Variants in ADAMTS19 observed in about 807,000 individuals in gnomAD.
ADAMTS19 encodes A disintegrin and metalloproteinase with thrombospondin motifs 19.
A neutral mutation model predicts 153.3 loss-of-function variants in ADAMTS19; 93 were observed. The observed-to-expected ratio is 0.61, with a 90% confidence interval of 0.51 to 0.72. ADAMTS19 has a LOEUF of 0.72. ADAMTS19 is among the 30% of genes least tolerant of loss of function. The pLI, the probability that ADAMTS19 is intolerant of heterozygous loss-of-function variation, is 0.00. For synonymous variants in ADAMTS19, 600 were observed against 556.6 expected, an observed-to-expected ratio of 1.08 and a Z score of -1.10; for missense variants, 1,482 against 1,552.1, an observed-to-expected ratio of 0.95 and a Z score of 0.76.
At chr5:129,726,268 C>T (rs1241811263) in intron 21 of ADAMTS19, among the ~76,000 whole-genome samples, 2 of 152,074 alleles carry the variant, frequency 1.3e-5, no homozygotes, top group Non-Finnish European at 2.9e-5. Flanking sequence ...GTTTGGGGAA[C>T]AGAATATCTA....
chr5:129,671,623 ATAAT>A (rs1754303582), intron 16 of ADAMTS19, among the ~76,000 whole-genome samples: 5 of 152,318 alleles, frequency 3.3e-5, no homozygotes, highest in East Asian at 3.9e-4. Context: ...TTTTATAGAG[ATAAT>A]TAATCCCTTC....
intron 7 of ADAMTS19, among the ~76,000 whole-genome samples, chr5:129,587,569 T>A (rs1561586980): frequency 6.6e-6 from 1 of 152,200 alleles, no homozygotes; most frequent in Non-Finnish European, 1.5e-5. Flanking sequence ...AATGATCTAA[T>A]TTGGGACTGT....
Position 129,737,170 on chromosome 5 carries a change from T to G in ADAMTS19, c.3594T>G (p.Cys1198Trp). 1 of 1,610,112 alleles carries G rather than the reference T, an allele frequency of 6.2e-7. No homozygotes were observed. The change falls in exon 23 of 23, where the codon TGT (cysteine) becomes TGG (tryptophan). Residue 1198 changes from cysteine (C) to tryptophan (W), a missense_variant. Transcript: ENST00000274487. ...CQDMRWYQRCCETCRDFYAQK... is the reference protein window; with the variant it reads ...CQDMRWYQRCWETCRDFYAQK... ...ACATGCGGTGGTATCAGCGCTGCTGTGAAACATGCAGGGACTTCTATGCCC... is the reference window on the plus strand; with the variant it reads ...ACATGCGGTGGTATCAGCGCTGCTGGGAAACATGCAGGGACTTCTATGCCC...
chr5:129,628,447 CTTAAAA>C (rs57699112), intron 10 of ADAMTS19, among the ~76,000 whole-genome samples: 8,736 of 151,914 alleles, frequency 0.058, 390 homozygotes, highest in African/African-American at 0.13. Flanking sequence ...TACCCCTGAA[CTTAAAA>C]TTAAAGTATA....
chr5:129,596,738 T>C, intron 8 of ADAMTS19, 74 bp downstream of exon 8: 1 of 1,104,034 alleles, frequency 9.1e-7, no homozygotes, highest in Non-Finnish European at 1.3e-6. Context: ...ATTACCTGGA[T>C]ATCTTCTGAT....
At chr5:129,649,617 T>C (rs569367225) in intron 13 of ADAMTS19, among the ~76,000 whole-genome samples, 5 of 152,178 alleles carry the variant, frequency 3.3e-5, no homozygotes, top group African/African-American at 2.4e-5. Flanking sequence ...AGGAAGATCT[T>C]TGTGCTAATG....
At chr5:129,565,610 T>A (rs908066281) in intron 7 of ADAMTS19, among the ~76,000 whole-genome samples, 2 of 152,208 alleles carry the variant, frequency 1.3e-5, no homozygotes, top group Non-Finnish European at 2.9e-5. Flanking sequence ...ATCCTATTTA[T>A]ATATTCTTTA....
intron 2 of ADAMTS19, among the ~76,000 whole-genome samples, chr5:129,462,122 AC>A (rs1749696113): frequency 6.6e-6 from 1 of 152,222 alleles, no homozygotes; most frequent in Non-Finnish European, 1.5e-5. Flanking sequence ...TCGAAAGACA[AC>A]CAGTCGGCTC....
At chr5:129,621,866 T>C (rs1347026675) in intron 9 of ADAMTS19, among the ~76,000 whole-genome samples, 1 of 152,146 alleles carries the variant, frequency 6.6e-6, no homozygotes, top group Admixed American at 6.6e-5. Flanking sequence ...CATACTACTT[T>C]TGGGCAAGTT....
intron 4 of ADAMTS19, 87 bp from the exon 5 acceptor site, chr5:129,527,647 GATGTCTCAACTAAA>G (rs1752062510): frequency 7.7e-6 from 1 of 130,306 alleles, no homozygotes; most frequent in Non-Finnish European, 1.4e-5. Context: ...AAAAAAAAAA[GATGTCTCAACTAAA>G]TTGAGACATC....
rs762426687 is a variant in ADAMTS19, at chr5:129,648,788, T to C, written c.2004-10T>C. ...AACATAAAATTGATTATTTGTACTT[T>C]CTTTTCTAGGCTAGATTCTGAAGCA... On this transcript the variant is annotated splice_polypyrimidine_tract_variant and intron_variant, in intron 12 of 22. Transcript: ENST00000274487. 4.5e-5 allele frequency: 72 copies of C among 1,609,774 alleles called. No individual in the cohort carries two copies. Among genetic ancestry groups the C allele is most frequent in the Non-Finnish European group, 5.9e-5 (69 of 1,178,686 alleles).
chr5:129,584,864 C>T (rs1432799923), intron 7 of ADAMTS19, among the ~76,000 whole-genome samples: 1 of 152,180 alleles, frequency 6.6e-6, no homozygotes, highest in African/African-American at 2.4e-5. Context: ...TGAGCTAGAC[C>T]ATTTGGTTCC....
chr5:129,645,974 C>T lies in ADAMTS19; in HGVS notation c.1873-1791C>T, dbSNP rs919702827. 8.9e-4 allele frequency among the ~76,000 whole-genome samples: 127 copies of T among 142,496 alleles called. 1 individual carries two copies. Among genetic ancestry groups the T allele is most frequent in the African/African-American group, 3.0e-3 (115 of 38,462 alleles). The allele number at this position is 142,496 out of a possible 152,430, so 93.5% of individuals were successfully genotyped here. The stretch of plus-strand genomic sequence containing the variant: ...CGGGATCTCGGCTCACTGCAAGCTC[C>T]GCCTCCCGGGTTCACGCCATTCTCC... On this transcript the variant is annotated intron_variant, in intron 11 of 22. Transcript: ENST00000274487.
At chr5:129,529,674 C>T (rs2126770939) in intron 6 of ADAMTS19, among the ~76,000 whole-genome samples, 1 of 152,238 alleles carries the variant, frequency 6.6e-6, no homozygotes, top group East Asian at 1.9e-4. Context: ...GCGTAGCAAG[C>T]TAGAATCTAG....
At chr5:129,643,703 A>C (rs1752930887) in intron 11 of ADAMTS19, among the ~76,000 whole-genome samples, 1 of 152,208 alleles carries the variant, frequency 6.6e-6, no homozygotes. Flanking sequence ...ATTTCTGTGA[A>C]ATATCAGTTA....
Position 129,509,151 on chromosome 5 carries a change from C to T in ADAMTS19, c.822C>T (p.His274=). 1 of 1,612,132 alleles carries T rather than the reference C, an allele frequency of 6.2e-7. No individual in the cohort carries two copies. The highest frequency in any genetic ancestry group is 8.5e-7 in the Non-Finnish European group (1 of 1,178,780). The change falls in exon 3 of 23, where the codon CAC becomes CAT. Residue 274 remains histidine, a synonymous_variant. Transcript: ENST00000274487. ...ATGATACAATGGCCATAACAGGTCA[C>T]CCACACCGTGTATATAGGCAGAAAA... The part of the protein sequence containing the change: ...PLNDTMAITG[H]PHRVYRQKRS...
chr5:129,635,080 A>G (rs937761287), intron 10 of ADAMTS19, among the ~76,000 whole-genome samples: 11 of 152,158 alleles, frequency 7.2e-5, no homozygotes, highest in Non-Finnish European at 1.6e-4. Flanking sequence ...CAAGCAAAAA[A>G]CAAGCAACCC....
intron 19 of ADAMTS19, among the ~76,000 whole-genome samples, chr5:129,699,673 A>G (rs1428060579): frequency 6.6e-6 from 1 of 152,124 alleles, no homozygotes; most frequent in Non-Finnish European, 1.5e-5. Flanking sequence ...GGTTGAATGG[A>G]GAAGCCCTTC....
intron 12 of ADAMTS19, among the ~76,000 whole-genome samples, chr5:129,648,145 CA>C (rs1753150532): frequency 6.6e-6 from 1 of 151,994 alleles, no homozygotes; most frequent in African/African-American, 2.4e-5. Flanking sequence ...TAAAATATTT[CA>C]ATAAACAGGA....
Sources: gnomAD v4.1 joint callset for allele counts (sites outside exome capture counted in the v4.1 genomes callset) on GRCh38, gnomAD v4.1.1 for gene constraint, MANE v1.5 for transcripts, NCBI Gene and HGNC (gene_info 2026-07-23, HGNC 2026-07-21) for gene names.